SYN3: variants seen among roughly 807,000 people sequenced by gnomAD.
SYN3 encodes the protein synapsin III, also known as synapsin-3.
In SYN3, 35 loss-of-function variants were observed where a neutral mutation model predicts 65.8. The observed-to-expected ratio is 0.53, with a 90% CI of 0.41 to 0.70. The LOEUF (loss-of-function observed/expected upper bound fraction) is 0.70, where lower values mean the gene tolerates loss of function less well. SYN3 is among the 30% of genes least tolerant of loss of function. The pLI, the probability that SYN3 is intolerant of heterozygous loss-of-function variation, is 0.00. For missense variants in SYN3, 680 were observed against 749.0 expected, an observed-to-expected ratio of 0.91 and a Z score of 1.08; for synonymous variants, 270 against 292.9, an observed-to-expected ratio of 0.92 and a Z score of 0.80.
At chr22:32,788,977 C>A (rs1485793403) in intron 6 of SYN3, among the ~76,000 whole-genome samples, 1 of 152,170 alleles carries the variant, frequency 6.6e-6, no homozygotes, top group Non-Finnish European at 1.5e-5. Flanking sequence ...TGCCCCCCCA[C>A]CCCCAACAAG....
chr22:32,870,920 T>C lies in SYN3; in HGVS notation c.462-1795A>G, dbSNP rs537783543. On this transcript the variant is annotated intron_variant, in intron 4 of 13. Transcript: ENST00000358763. ...TATTAAGGATACTGCCCTTTATCCA[T>C]CATGTGTGGCAATGTTTTTACTAGA... is the stretch of plus-strand genomic sequence containing the variant. 4.6e-5 allele frequency among the ~76,000 whole-genome samples: 7 copies of C among 152,322 alleles called. No homozygotes were observed. The East Asian group carries it at 5.8e-4, about 13-fold the overall frequency.
At chr22:32,724,243 C>CTGTTTTGTTTTGTTT (rs10533121) in intron 6 of SYN3, among the ~76,000 whole-genome samples, 1 of 151,316 alleles carries the variant, frequency 6.6e-6, no homozygotes, top group Admixed American at 6.6e-5. Context: ...GGGTACTTTT[C>CTGTTTTGTTTTGTTT]TGTTTTGTTT....
intron 3 of SYN3, among the ~76,000 whole-genome samples, chr22:32,972,557 T>C (rs1392277502): frequency 6.6e-6 from 1 of 152,180 alleles, no homozygotes; most frequent in African/African-American, 2.4e-5. Context: ...TTCAGCTCAT[T>C]TCTACCAATG....
chr22:32,948,965 C>G (rs1168579522), intron 3 of SYN3, among the ~76,000 whole-genome samples: 1 of 151,196 alleles, frequency 6.6e-6, no homozygotes, highest in African/African-American at 2.4e-5. Context: ...ATCTGAAATG[C>G]TTGGGACCAG....
chr22:32,861,990 C>A (rs1413053763), intron 6 of SYN3: 1 of 152,532 alleles, frequency 6.6e-6, no homozygotes, highest in South Asian at 2.1e-4. Context: ...GAGGAAAATA[C>A]TTCTAGGCAA....
chr22:32,920,301 C>T (rs921550490), intron 4 of SYN3, among the ~76,000 whole-genome samples: 1 of 152,176 alleles, frequency 6.6e-6, no homozygotes, highest in African/African-American at 2.4e-5. Flanking sequence ...TTTGCAATCC[C>T]TTCTGTCTGT....
intron 4 of SYN3, among the ~76,000 whole-genome samples, chr22:32,888,645 C>T (rs1406237615): frequency 4.6e-5 from 7 of 152,122 alleles, no homozygotes; most frequent in East Asian, 1.9e-4. Flanking sequence ...GAATGCAAGA[C>T]GCCCCCAGGA....
chr22:32,708,763 C>T (rs2060914380), intron 6 of SYN3, among the ~76,000 whole-genome samples: 1 of 152,224 alleles, frequency 6.6e-6, no homozygotes, highest in Admixed American at 6.5e-5. Flanking sequence ...TCGACACAGC[C>T]AGAGAGCACA....
intron 1 of SYN3, among the ~76,000 whole-genome samples, chr22:33,051,915 C>T (rs1035358111): frequency 6.6e-5 from 10 of 152,252 alleles, no homozygotes; most frequent in Admixed American, 5.2e-4. Flanking sequence ...CAAAAGAAAG[C>T]GTGTATCTTC....
intron 6 of SYN3, among the ~76,000 whole-genome samples, chr22:32,756,194 A>T (rs959829759): frequency 1.3e-5 from 2 of 152,056 alleles, no homozygotes; most frequent in Non-Finnish European, 2.9e-5. Context: ...CATTCTGCAC[A>T]TGTATCCCAG....
chr22:32,644,027 G>A (rs1056217551), intron 6 of SYN3, among the ~76,000 whole-genome samples: 2 of 114,590 alleles, frequency 1.7e-5, no homozygotes, highest in African/African-American at 3.5e-5. Context: ...GTAGTGAGCC[G>A]AGATCTCACC....
intron 10 of SYN3, among the ~76,000 whole-genome samples, chr22:32,530,849 A>G (rs1392878120): frequency 6.6e-6 from 1 of 151,468 alleles, no homozygotes; most frequent in African/African-American, 2.4e-5. Flanking sequence ...CTAAAAATAC[A>G]AAAAAAATTA....
At chr22:32,992,757 G>A (rs1278806852) in intron 2 of SYN3, among the ~76,000 whole-genome samples, 1 of 152,140 alleles carries the variant, frequency 6.6e-6, no homozygotes, top group Non-Finnish European at 1.5e-5. Context: ...ACGTTGCAGT[G>A]AGGCAACATC....
chr22:32,868,328 TATTA>T (rs1354428276), intron 5 of SYN3, among the ~76,000 whole-genome samples: 2 of 151,042 alleles, frequency 1.3e-5, no homozygotes, highest in African/African-American at 4.9e-5. Flanking sequence ...CTGTATTATA[TATTA>T]TATATTACAA....
intron 4 of SYN3, among the ~76,000 whole-genome samples, chr22:32,879,693 C>A (rs770685708): frequency 9.2e-5 from 14 of 152,162 alleles, no homozygotes; most frequent in Non-Finnish European, 1.9e-4. Flanking sequence ...GCATTCAGAC[C>A]ACAGCAGTAA....
intron 6 of SYN3, among the ~76,000 whole-genome samples, chr22:32,825,330 G>C (rs559453251): frequency 6.6e-6 from 1 of 152,272 alleles, no homozygotes; most frequent in South Asian, 2.1e-4. Flanking sequence ...AGAACTTCTA[G>C]ATCCAGAGGA....
chr22:32,700,629 C>T (rs2060798975), intron 6 of SYN3, among the ~76,000 whole-genome samples: 1 of 152,182 alleles, frequency 6.6e-6, no homozygotes, highest in South Asian at 2.1e-4. Flanking sequence ...AATGCATCAG[C>T]CAACACAAGA....
At chr22:32,756,980 T>C (rs1400527333) in intron 6 of SYN3, among the ~76,000 whole-genome samples, 2 of 152,002 alleles carry the variant, frequency 1.3e-5, no homozygotes, top group African/African-American at 2.4e-5. Flanking sequence ...TTTGAAATGA[T>C]TAACAACTGT....
chr22:32,515,425 C>T (rs1970066531), intron 13 of SYN3, among the ~76,000 whole-genome samples: 1 of 152,180 alleles, frequency 6.6e-6, no homozygotes, highest in Non-Finnish European at 1.5e-5. Context: ...AATTGAAGCA[C>T]AGCGAGGTTA....
Sources: allele counts gnomAD v4.1 joint callset (sites outside exome capture counted in the v4.1 genomes callset), GRCh38; gene constraint gnomAD v4.1.1; transcripts MANE v1.5; gene names NCBI Gene and HGNC (gene_info 2026-07-23, HGNC 2026-07-21).